The following LUZP1 variants were observed in gnomAD, a reference collection of about 807,000 sequenced individuals.
The protein encoded by LUZP1 is leucine zipper protein 1.
A neutral mutation model predicts 71.3 loss-of-function variants in LUZP1; 25 were observed. The observed-to-expected ratio is 0.35, with a 90% confidence interval of 0.26 to 0.49. The LOEUF (loss-of-function observed/expected upper bound fraction) is 0.49. Ranked by LOEUF, LUZP1 falls within the 20% of genes least tolerant of loss-of-function variation. LUZP1 has a pLI of 0.99. For synonymous variants in LUZP1, 481 were observed against 506.4 expected, an observed-to-expected ratio of 0.95 and a Z score of 0.67; for missense variants, 1,142 against 1,300.8, an observed-to-expected ratio of 0.88 and a Z score of 1.88.
At chr1:23,089,029 G>A (rs1257071760) in exon 5 of LUZP1, 1 of 1,614,084 alleles carries the variant, frequency 6.2e-7, no homozygotes, top group Non-Finnish European at 8.5e-7. Flanking sequence ...TAGACACTGA[G>A]TGTACAGTCT....
At chr1:23,170,462 CTTTTTTTTTTT>C (rs200073505) in intron 1 of LUZP1, among the ~76,000 whole-genome samples, 1 of 127,444 alleles carries the variant, frequency 7.8e-6, no homozygotes, top group Non-Finnish European at 1.7e-5. Flanking sequence ...CTTTTTCTTT[CTTTTTTTTTTT>C]TTTTTTTTTT....
In LUZP1 at chr1:23,102,446, T is replaced by G. The variant is rs911283419; in HGVS notation, c.-120+6576A>C. Among the ~76,000 whole-genome samples, 26 of 152,230 alleles carry G rather than the reference T, an allele frequency of 1.7e-4. 1 individual carries two copies. The highest frequency in any genetic ancestry group is 9.2e-4 in the Admixed American group (14 of 15,294). The stretch of plus-strand genomic sequence containing the variant: ...GCCATGATTCACTTCCTGTTCCCAA[T>G]AGTCATTTAAAGAGGGGTCGGCAAA... On this transcript the variant is annotated intron_variant, in intron 3 of 4. Transcript: ENST00000302291.
chr1:23,177,076 G>GT (rs1002801042), intron 1 of LUZP1, among the ~76,000 whole-genome samples: 20 of 100,962 alleles, frequency 2.0e-4, no homozygotes, highest in Admixed American at 1.0e-3. Context: ...AGGATGATGG[G>GT]GGGGGGGTCT....
chr1:23,091,356 CAGGA>C lies in LUZP1; in HGVS notation c.2902_2905del (p.Ser968AlafsTer10). On this transcript the variant is annotated frameshift_variant, in exon 4 of 5. Coordinates refer to ENST00000302291, the Ensembl canonical transcript of LUZP1. LOFTEE classifies it high-confidence loss of function. ...CCTTCGAGTGCCCTGCTCAAAAAGG[CAGGA>C]CCTGGGCTGTTCGAGTTCTGAGAAG... is the stretch of plus-strand genomic sequence containing the variant. 1 of 1,614,164 alleles carries C rather than the reference CAGGA, an allele frequency of 6.2e-7. No individual in the cohort carries two copies. Among genetic ancestry groups the C allele is most frequent in the Non-Finnish European group, 8.5e-7 (1 of 1,180,030 alleles).
In LUZP1 at chr1:23,093,796, C is replaced by G; in HGVS notation, c.466G>C (p.Glu156Gln). Residue 156 changes from glutamate to glutamine, a missense_variant, in exon 4 of 5, where the codon GAA (glutamate) becomes CAA (glutamine). Transcript: ENST00000302291. The surrounding 1 kb of genome is among the most constrained non-coding windows in gnomAD (Gnocchi z 4.2). ...TCTTTCACTTTGACTCTGAGCATTT[C>G]CAGCTCAGAGGAGATTTTCTTGGTC... 1 of 1,613,958 alleles carries G rather than the reference C, an allele frequency of 6.2e-7. No individual in the cohort carries two copies. Among genetic ancestry groups the G allele is most frequent in the Non-Finnish European group, 8.5e-7 (1 of 1,179,968 alleles).
intron 2 of LUZP1, among the ~76,000 whole-genome samples, chr1:23,156,749 G>A (rs1294341169): frequency 2.0e-5 from 3 of 152,126 alleles, no homozygotes; most frequent in African/African-American, 7.2e-5. Context: ...CCAATCATGT[G>A]GCCAAGACTC....
intron 4 of LUZP1, among the ~76,000 whole-genome samples, chr1:23,089,667 A>G (rs1398472612): frequency 6.6e-6 from 1 of 151,684 alleles, no homozygotes; most frequent in Non-Finnish European, 1.5e-5. Flanking sequence ...GTCTCAGCTC[A>G]CTGCAACCTC....
intron 3 of LUZP1, among the ~76,000 whole-genome samples, chr1:23,107,708 A>C (rs1643994680): frequency 6.6e-6 from 1 of 152,202 alleles, no homozygotes; most frequent in Non-Finnish European, 1.5e-5. Context: ...AGGCTGAGAC[A>C]GGAGAATCGC....
At chr1:23,104,914 G>A (rs966577149) in intron 3 of LUZP1, among the ~76,000 whole-genome samples, 1 of 152,186 alleles carries the variant, frequency 6.6e-6, no homozygotes, top group Non-Finnish European at 1.5e-5. Flanking sequence ...CTATGGCTAA[G>A]AGGGGCTATG....
rs189347478 is a variant in LUZP1 at position 23,094,945 on chromosome 1, C to T, written c.-119-565G>A. 1.9e-4 allele frequency among the ~76,000 whole-genome samples: 29 copies of T among 152,240 alleles called. No homozygotes were observed. The highest frequency in any genetic ancestry group is 3.2e-4 in the Non-Finnish European group (22 of 68,026). On this transcript the variant is annotated intron_variant, in intron 3 of 4. Coordinates refer to ENST00000302291, the Ensembl canonical transcript of LUZP1. This position sits in a 1 kb window ranked among gnomAD's most constrained non-coding sequence, Gnocchi z 4.7. ...GAGCTTCACAATATACTAAAACAAT[C>T]TCTCTACACCCATTTTCAACATCTC...
intron 2 of LUZP1, among the ~76,000 whole-genome samples, chr1:23,117,454 C>CCTCTCTCTCTCTCTCTCTCTCTCT (rs1185318512): frequency 3.0e-4 from 4 of 13,364 alleles, no homozygotes; most frequent in African/African-American, 1.8e-3. Context: ...TTTTTTTTTT[C>CCTCTCTCTCTCTCTCTCTCTCTCT]CTCTCTCTCT....
At chr1:23,138,220 C>T (rs771938123) in intron 2 of LUZP1, among the ~76,000 whole-genome samples, 1 of 152,088 alleles carries the variant, frequency 6.6e-6, no homozygotes, top group Non-Finnish European at 1.5e-5. Flanking sequence ...GCAATCCACC[C>T]GCCTCAGCTT....
In LUZP1 at chr1:23,093,686, G is replaced by A; in HGVS notation, c.576C>T (p.Ser192=). The change falls in exon 4 of 5, where the codon AGC becomes AGT. Residue 192 remains serine, a synonymous_variant. Coordinates refer to ENST00000302291, the Ensembl canonical transcript of LUZP1. This position sits in a 1 kb window ranked among gnomAD's most constrained non-coding sequence, Gnocchi z 4.2. ...TCAAGTATTTTCTCTCACTTACAAA[G>A]CTCAGAGTTAATGATTTCAGCTTTT... The A allele has an allele frequency of 6.2e-7, 1 of 1,613,286 alleles. No individual in the cohort carries two copies. The highest frequency in any genetic ancestry group is 8.5e-7 in the Non-Finnish European group (1 of 1,179,922).
chr1:23,174,588 T>A (rs1476930627), intron 1 of LUZP1, among the ~76,000 whole-genome samples: 1 of 152,210 alleles, frequency 6.6e-6, no homozygotes, highest in Non-Finnish European at 1.5e-5. Flanking sequence ...GTGTCTACCA[T>A]GTCTAAACTT....
intron 1 of LUZP1, among the ~76,000 whole-genome samples, chr1:23,169,707 A>G (rs919766539): frequency 6.6e-6 from 1 of 152,168 alleles, no homozygotes; most frequent in Non-Finnish European, 1.5e-5. Context: ...TGCCCTGAGA[A>G]GCCAGGAGGA....
At chr1:23,105,453 C>A (rs1643972950) in intron 3 of LUZP1, among the ~76,000 whole-genome samples, 1 of 152,172 alleles carries the variant, frequency 6.6e-6, no homozygotes, top group Non-Finnish European at 1.5e-5. Context: ...TAAGTTCAAA[C>A]CCTGACTTTA....
chr1:23,091,114 G>A, intron 4 of LUZP1, 76 bp downstream of exon 3: 1 of 1,407,800 alleles, frequency 7.1e-7, no homozygotes, highest in Non-Finnish European at 9.6e-7. Flanking sequence ...ACAGGCCAGA[G>A]CAGAGGGGAA....
chr1:23,092,962 C>T (rs1643871577), exon 4 of LUZP1: 1 of 1,614,192 alleles, frequency 6.2e-7, no homozygotes, highest in Non-Finnish European at 8.5e-7. Context: ...ATGTGAGAAG[C>T]TTTTGCTGCC....
At chr1:23,173,193 G>A (rs1644562325) in intron 1 of LUZP1, among the ~76,000 whole-genome samples, 1 of 151,732 alleles carries the variant, frequency 6.6e-6, no homozygotes, top group African/African-American at 2.4e-5. Flanking sequence ...GGAGTTGGAG[G>A]CTACAGTGAG....
Sources: allele counts gnomAD v4.1 joint callset (sites outside exome capture counted in the v4.1 genomes callset), GRCh38; gene constraint gnomAD v4.1.1; non-coding constraint Gnocchi (gnomAD v3.1); transcripts MANE v1.5; gene names NCBI Gene and HGNC (gene_info 2026-07-23, HGNC 2026-07-21).